Variants in MACF1 observed in about 807,000 individuals in gnomAD.
MACF1 encodes microtubule-actin cross-linking factor 1.
A neutral mutation model predicts 854.8 loss-of-function variants in MACF1; 193 were observed. The observed-to-expected ratio is 0.23, with a 90% confidence interval of 0.20 to 0.25. The LOEUF (loss-of-function observed/expected upper bound fraction) is 0.25. MACF1 is among the 10% of genes least tolerant of loss of function. The pLI is 1.00. For missense variants in MACF1, 7,722 were observed against 8,929.1 expected, an observed-to-expected ratio of 0.86 and a Z score of 5.45; for synonymous variants, 3,185 against 3,226.7, an observed-to-expected ratio of 0.99 and a Z score of 0.44.
chr1:39,121,553 A>T (rs1642712427), intron 2 of MACF1, among the ~76,000 whole-genome samples: 1 of 151,994 alleles, frequency 6.6e-6, no homozygotes, highest in Non-Finnish European at 1.5e-5. Flanking sequence ...GGTTCAAGTG[A>T]TTCTTGTGCC....
chr1:39,418,445 A>G (rs1238898428), intron 58 of MACF1, among the ~76,000 whole-genome samples: 2 of 152,254 alleles, frequency 1.3e-5, no homozygotes. Context: ...ATATAGAAAG[A>G]GAAGAGAGTC....
chr1:39,315,547 A>T lies in MACF1; in HGVS notation c.3305A>T (p.Asp1102Val). The change falls in exon 27 of 101, where the codon GAC becomes GTC. Residue 1102 changes from aspartate to valine, a missense_variant. Asp to Val is a radical substitution (Grantham distance 152). Coordinates refer to ENST00000564288, the MANE Select transcript of MACF1 (RefSeq NM_001394062.1). The stretch of plus-strand genomic sequence containing the variant: ...GAGGATTTACAGCAATTGAGGTCAG[A>T]CTTGGATGCAGTTTCTATGAAATGT... ...TQEDLQQLRS[D>V]LDAVSMKCDS... 3 of 1,614,114 alleles carry T rather than the reference A, an allele frequency of 1.9e-6. No homozygotes were observed. The highest frequency in any genetic ancestry group is 2.5e-6 in the Non-Finnish European group (3 of 1,179,988).
chr1:39,202,575 C>T (rs1279549658), upstream of MACF1, among the ~76,000 whole-genome samples: 4 of 151,504 alleles, frequency 2.6e-5, no homozygotes, highest in African/African-American at 4.8e-5. Flanking sequence ...GCACAGGTTG[C>T]AGTGAGCCAA....
chr1:39,292,970 A>T, intron 17 of MACF1, 127 bp downstream of exon 17: 1 of 658,774 alleles, frequency 1.5e-6, no homozygotes, highest in South Asian at 2.1e-5. Flanking sequence ...AGGTTATATC[A>T]TTTACTATGC....
At chr1:39,344,718 G>A (rs952034773) in intron 40 of MACF1, among the ~76,000 whole-genome samples, 7 of 152,090 alleles carry the variant, frequency 4.6e-5, no homozygotes, top group East Asian at 3.9e-4. Context: ...CTTACCAGTC[G>A]AGCGTTTTTA....
chr1:39,276,543 G>T (rs552009953), intron 6 of MACF1, among the ~76,000 whole-genome samples: 24 of 152,198 alleles, frequency 1.6e-4, no homozygotes, highest in Middle Eastern at 3.4e-3. Context: ...CCTTATCTCA[G>T]TTTGTTTACA....
In MACF1 at chr1:39,337,174, C is replaced by T. The variant is rs1646825798; in HGVS notation, c.10066-8C>T. On this transcript the variant is annotated splice_polypyrimidine_tract_variant and splice_region_variant and intron_variant, in intron 37 of 100. Transcript: ENST00000564288. ...AGAACTGAGTCAGCTTTCTTTTTGG[C>T]TCCACAGAATGTATTTACCCGGCAA... 6.2e-7 allele frequency: 1 copy of T among 1,607,204 alleles called. No homozygotes were observed. The highest frequency in any genetic ancestry group is 8.5e-7 in the Non-Finnish European group (1 of 1,176,938).
chr1:39,277,068 TA>T (rs1204201398), intron 6 of MACF1, among the ~76,000 whole-genome samples: 8 of 151,928 alleles, frequency 5.3e-5, no homozygotes, highest in Middle Eastern at 3.4e-3. Flanking sequence ...GCCTTAACAT[TA>T]AAATTTTTTT....
intron 2 of MACF1, among the ~76,000 whole-genome samples, chr1:39,195,554 T>C (rs1202078034): frequency 6.6e-6 from 1 of 152,160 alleles, no homozygotes; most frequent in Non-Finnish European, 1.5e-5. Context: ...AGATAAAGTA[T>C]AATAAAAGCT....
chr1:39,132,520 A>T (rs1643027733), intron 2 of MACF1, among the ~76,000 whole-genome samples: 1 of 151,996 alleles, frequency 6.6e-6, no homozygotes, highest in African/African-American at 2.4e-5. Flanking sequence ...GGAAATTCTT[A>T]CCTAGGGAGT....
chr1:39,356,528 A>G (rs981631603), intron 44 of MACF1, among the ~76,000 whole-genome samples: 4 of 152,136 alleles, frequency 2.6e-5, no homozygotes, highest in Non-Finnish European at 5.9e-5. Flanking sequence ...ACTTGCCACC[A>G]TGCCCAGCTA....
At chr1:39,401,606 A>G (rs989547465) in intron 58 of MACF1, among the ~76,000 whole-genome samples, 2 of 152,180 alleles carry the variant, frequency 1.3e-5, no homozygotes, top group African/African-American at 2.4e-5. Flanking sequence ...TGTGTTTTTA[A>G]TGTTTTTAAC....
intron 2 of MACF1, among the ~76,000 whole-genome samples, chr1:39,126,988 T>G (rs1571074144): frequency 6.6e-6 from 1 of 152,082 alleles, no homozygotes; most frequent in Non-Finnish European, 1.5e-5. Flanking sequence ...TCCCAGCCCT[T>G]TGGGAGGGTG....
chr1:39,452,610 T>A, intron 86 of MACF1, 74 bp from the exon 87 acceptor site: 1 of 1,585,874 alleles, frequency 6.3e-7, no homozygotes, highest in Non-Finnish European at 8.6e-7. Context: ...ACTGGACCCT[T>A]TCCCTAGCAT....
At chr1:39,094,610 C>G (rs889819673) in intron 2 of MACF1, among the ~76,000 whole-genome samples, 3 of 150,876 alleles carry the variant, frequency 2.0e-5, no homozygotes, top group South Asian at 4.2e-4. Context: ...CCCAGCTACT[C>G]GGGAGGCTGA....
upstream of MACF1, among the ~76,000 whole-genome samples, chr1:39,201,411 G>A (rs572396630): frequency 1.2e-4 from 19 of 152,220 alleles, no homozygotes; most frequent in African/African-American, 3.9e-4. Flanking sequence ...AGGCTGGAGT[G>A]GCGCGATTTT....
At chr1:39,346,660 C>T (rs551832693) in intron 40 of MACF1, among the ~76,000 whole-genome samples, 5 of 151,802 alleles carry the variant, frequency 3.3e-5, no homozygotes, top group South Asian at 4.2e-4. Context: ...GCTGGGACTA[C>T]AGGCGCCTGC....
Position 39,408,566 on chromosome 1 carries a change from G to T in MACF1, c.15817-13808G>T, listed in dbSNP as rs542202412. On this transcript the variant is annotated intron_variant, in intron 58 of 100. Transcript: ENST00000564288. ...GCCGTCGCCAGAGCCGGCTAGCTGG[G>T]GGAGCGCGGGCGCCCTTTCTGGATT... 2.6e-5 allele frequency among the ~76,000 whole-genome samples: 4 copies of T among 152,336 alleles called. No homozygotes were observed. In the East Asian group the frequency reaches 7.7e-4, roughly 29 times the overall value.
intron 49 of MACF1, among the ~76,000 whole-genome samples, chr1:39,361,973 T>C (rs1024180821): frequency 1.3e-5 from 2 of 152,212 alleles, no homozygotes; most frequent in African/African-American, 4.8e-5. Context: ...GATATAAGCT[T>C]TCATGATTAC....
Sources: allele counts gnomAD v4.1 joint callset (sites outside exome capture counted in the v4.1 genomes callset), GRCh38; gene constraint gnomAD v4.1.1; transcripts MANE v1.5; gene names NCBI Gene and HGNC (gene_info 2026-07-23, HGNC 2026-07-21).